ADGRA2: variants seen among roughly 807,000 people sequenced by gnomAD.
ADGRA2 encodes G-protein coupled receptor 124.
A neutral mutation model predicts 98.7 loss-of-function variants in ADGRA2; 61 were observed. The observed-to-expected ratio is 0.62, with a 90% CI of 0.50 to 0.76. The LOEUF (loss-of-function observed/expected upper bound fraction) is 0.76, where lower values mean the gene tolerates loss of function less well. Ranked by LOEUF, ADGRA2 falls within the 30% of genes least tolerant of loss-of-function variation. The probability of loss-of-function intolerance (pLI) is 0.00; values close to 1 mark genes in which losing one functional copy is unlikely to be tolerated. For synonymous variants in ADGRA2, 858 were observed against 831.5 expected (o/e 1.03, Z -0.55); for missense variants, 1,712 against 1,860.0 (o/e 0.92, Z 1.46).
chr8:37,839,227 C>A, intron 15 of ADGRA2, 144 bp downstream of exon 15: 3 of 1,280,204 alleles, frequency 2.3e-6, no homozygotes, highest in Non-Finnish European at 2.2e-6. Context: ...GTGTAGGAAA[C>A]CTCCCAGCAT....
intron 1 of ADGRA2, among the ~76,000 whole-genome samples, chr8:37,806,959 A>G (rs1804688796): frequency 6.6e-6 from 1 of 152,160 alleles, no homozygotes; most frequent in Non-Finnish European, 1.5e-5. Flanking sequence ...TAGAGAGGGT[A>G]GGTTAGAGAA....
rs1426615750 is a variant in ADGRA2 at position 37,834,913 on chromosome 8, T to C, written c.1609-261T>C. ...ATGGTAGCATGCCTGTAGTCCCAGA[T>C]ACTCAGGAGGCTGAGGTGGGAGGAT... On this transcript the variant is annotated intron_variant, in intron 11 of 18. Transcript: ENST00000412232. This position sits in a 1 kb window ranked among gnomAD's most constrained non-coding sequence, Gnocchi z 4.2. Among the ~76,000 whole-genome samples the C allele has an allele frequency of 1.3e-5, 2 of 151,956 alleles. No individual in the cohort carries two copies. Among genetic ancestry groups the C allele is most frequent in the Non-Finnish European group, 2.9e-5 (2 of 67,986 alleles).
In ADGRA2 at chr8:37,799,352, G is replaced by A. The variant is rs557992759; in HGVS notation, c.266+1818G>A. On this transcript the variant is annotated intron_variant, in intron 1 of 18. Coordinates refer to ENST00000412232, the MANE Select transcript of ADGRA2 (RefSeq NM_032777.10). Reference sequence around the variant, plus strand: ...ATCACGCCATTGCACTCCAGCCTGGGCGACAGAGCGAGACTCCGTATAAAA... The same window carrying A: ...ATCACGCCATTGCACTCCAGCCTGGACGACAGAGCGAGACTCCGTATAAAA... Among the ~76,000 whole-genome samples the A allele has an allele frequency of 1.6e-4, 25 of 151,578 alleles. No individual in the cohort carries two copies. The South Asian group carries it at 4.4e-3, about 27-fold the overall frequency.
At chr8:37,819,890 C>A (rs866989079) in intron 2 of ADGRA2, among the ~76,000 whole-genome samples, 1 of 151,902 alleles carries the variant, frequency 6.6e-6, no homozygotes, top group Non-Finnish European at 1.5e-5. Flanking sequence ...AGGCTGGTCT[C>A]GAACTCCTGA....
Position 37,814,507 on chromosome 8 carries a change from C to T in ADGRA2, c.267-389C>T, listed in dbSNP as rs756372634. Among the ~76,000 whole-genome samples the T allele has an allele frequency of 6.6e-6, 1 of 152,224 alleles. No individual in the cohort carries two copies. Among genetic ancestry groups the T allele is most frequent in the African/African-American group, 2.4e-5 (1 of 41,458 alleles). ...AAGCCATTCTCCCCACCACTCTCTT[C>T]GGGATATTGGGTGAAGGGCTTGAGC... is the stretch of plus-strand genomic sequence containing the variant. On this transcript the variant is annotated intron_variant, in intron 1 of 18. Transcript: ENST00000412232. The surrounding 1 kb of genome is among the most constrained non-coding windows in gnomAD (Gnocchi z 4.3).
In ADGRA2 at chr8:37,844,317, T is replaced by C; in HGVS notation, c.*1962T>C. The C allele has an allele frequency of 2.7e-6, 2 of 740,300 alleles. No individual in the cohort carries two copies. Among genetic ancestry groups the C allele is most frequent in the South Asian group, 3.7e-5 (2 of 53,382 alleles). The allele number at this position is 740,300 out of a possible 1,614,324, so 45.9% of individuals were successfully genotyped here. ...AATCTCTCCTACCTATAGTCATCCCTGCACTCCTGACTTTACTCCAGGACC... is the reference window on the plus strand; with the variant it reads ...AATCTCTCCTACCTATAGTCATCCCCGCACTCCTGACTTTACTCCAGGACC... On this transcript the variant is annotated 3_prime_UTR_variant, in exon 19 of 19. Transcript: ENST00000412232.
Position 37,834,665 on chromosome 8 carries a change from A to G in ADGRA2, c.1609-509A>G, listed in dbSNP as rs1217929862. ...TCCCAGCACGTTGGGAGGCCGATAC[A>G]GGAGGATCTCCCAAGGCCAGGAGTT... On this transcript the variant is annotated intron_variant, in intron 11 of 18. Coordinates refer to ENST00000412232, the MANE Select transcript of ADGRA2 (RefSeq NM_032777.10). The surrounding 1 kb of genome is among the most constrained non-coding windows in gnomAD (Gnocchi z 4.2). Among the ~76,000 whole-genome samples, 2 of 152,164 alleles carry G rather than the reference A, an allele frequency of 1.3e-5. No individual in the cohort carries two copies. The highest frequency in any genetic ancestry group is 4.8e-5 in the African/African-American group (2 of 41,438).
intron 1 of ADGRA2, among the ~76,000 whole-genome samples, chr8:37,812,355 C>T (rs949804973): frequency 2.0e-5 from 3 of 152,094 alleles, no homozygotes; most frequent in East Asian, 1.9e-4. Context: ...TGGCTGGGCG[C>T]GGTGGCTCAC....
chr8:37,842,460 GC>G lies in ADGRA2; in HGVS notation c.*107del. On this transcript the variant is annotated 3_prime_UTR_variant, in exon 19 of 19. Transcript: ENST00000412232. Reference sequence around the variant, plus strand: ...TAGTCAGCAGGTTGGAGGCAGAGGAGCCGATGGCTGGAGGAAGCCCACAGGC... The same window carrying G: ...TAGTCAGCAGGTTGGAGGCAGAGGAGCGATGGCTGGAGGAAGCCCACAGGC... 7.3e-7 allele frequency: 1 copy of G among 1,371,506 alleles called. No individual in the cohort carries two copies. The highest frequency in any genetic ancestry group is 9.4e-7 in the Non-Finnish European group (1 of 1,061,946). The allele number at this position is 1,371,506 out of a possible 1,614,324, so 85.0% of individuals were successfully genotyped here. A position where few individuals can be genotyped will look rare whatever the true frequency, so the allele number is the denominator to read the frequency against.
At chr8:37,804,100 G>GACACAC (rs60565183) in intron 1 of ADGRA2, among the ~76,000 whole-genome samples, 9,345 of 106,922 alleles carry the variant, frequency 0.087, 640 homozygotes, top group Non-Finnish European at 0.11. Context: ...CCCACGGTGA[G>GACACAC]ACACACACAC....
intron 8 of ADGRA2, 146 bp downstream of exon 8, chr8:37,831,733 G>C: frequency 1.4e-6 from 1 of 703,086 alleles, no homozygotes; most frequent in Non-Finnish European, 2.4e-6. Flanking sequence ...CATTCAGCCT[G>C]AAGCCTTGCT....
intron 2 of ADGRA2, among the ~76,000 whole-genome samples, chr8:37,820,928 TA>T (rs1455702640): frequency 7.5e-6 from 1 of 133,968 alleles, no homozygotes; most frequent in African/African-American, 2.9e-5. Flanking sequence ...AGGTTGGGGG[TA>T]GGGGTGGAGA....
Position 37,841,467 on chromosome 8 carries a change from C to T in ADGRA2, c.3129C>T (p.Arg1043=), listed in dbSNP as rs776355897. 1.9e-6 allele frequency: 3 copies of T among 1,612,852 alleles called. No individual in the cohort carries two copies. The African/African-American group carries it at 4.0e-5, about 22-fold the overall frequency. ...GCGGGGCTCTGGCAGTGTCCCAGCG[C>T]TGGCTGCCCCGGGTGGTGTGCAGCT... ...WACGALAVSQ[R]WLPRVVCSCL... Residue 1043 remains arginine (R), a synonymous_variant, in exon 19 of 19, where the codon CGC becomes CGT. Coordinates refer to ENST00000412232, the MANE Select transcript of ADGRA2 (RefSeq NM_032777.10). The surrounding 1 kb of genome is among the most constrained non-coding windows in gnomAD (Gnocchi z 5.0).
At position 37,841,262 on chromosome 8, in the gene ADGRA2, G is replaced by C. The variant is rs1466828232; in HGVS notation, c.2924G>C (p.Gly975Ala). Residue 975 changes from glycine to alanine, a missense_variant, in exon 19 of 19, where the codon GGT (glycine) becomes GCT (alanine). By Grantham distance (60) the Gly-to-Ala change is moderately conservative. Coordinates refer to ENST00000412232, the MANE Select transcript of ADGRA2 (RefSeq NM_032777.10). The surrounding 1 kb of genome is among the most constrained non-coding windows in gnomAD (Gnocchi z 5.0). ...CTGGAGGCAGGGGAGGAGCTGAGGG[G>C]TTCCACCAGGCTCAGGGGCAGCGGC... Reference protein sequence around the residue: ...ASLEAGEELRGSTRLRGSGPL... With the variant: ...ASLEAGEELRASTRLRGSGPL... 2 of 1,612,832 alleles carry C rather than the reference G, an allele frequency of 1.2e-6. No homozygotes were observed. The highest frequency in any genetic ancestry group is 1.6e-4 in the Middle Eastern group (1 of 6,084).
chr8:37,810,588 C>A (rs1174347193), intron 1 of ADGRA2, among the ~76,000 whole-genome samples: 1 of 152,112 alleles, frequency 6.6e-6, no homozygotes, highest in Admixed American at 6.5e-5. Flanking sequence ...GCCTCAAACT[C>A]CTGGGCTCAA....
At chr8:37,817,557 T>A (rs901037908) in intron 2 of ADGRA2, among the ~76,000 whole-genome samples, 11 of 151,928 alleles carry the variant, frequency 7.2e-5, no homozygotes, top group Non-Finnish European at 1.5e-4. Flanking sequence ...ATATTTTTTT[T>A]AATTAGCCAG....
In ADGRA2 at chr8:37,810,962, A is replaced by G. The variant is rs548701240; in HGVS notation, c.267-3934A>G. On this transcript the variant is annotated intron_variant, in intron 1 of 18. Coordinates refer to ENST00000412232, the MANE Select transcript of ADGRA2 (RefSeq NM_032777.10). ...AAACCCCGTCTCTACTAAAAAAAAA[A>G]TACAAAAAAATTAGGGTGGCGGGTG... Among the ~76,000 whole-genome samples the G allele has an allele frequency of 1.1e-4, 17 of 150,526 alleles. No individual in the cohort carries two copies. In the South Asian group the frequency reaches 3.6e-3, roughly 31 times the overall value.
In ADGRA2 at chr8:37,842,405, C is replaced by G. The variant is rs767644551; in HGVS notation, c.*50C>G. 2.1e-6 allele frequency: 3 copies of G among 1,420,166 alleles called. No homozygotes were observed. The highest frequency in any genetic ancestry group is 2.8e-6 in the Non-Finnish European group (3 of 1,088,156). The allele number at this position is 1,420,166 out of a possible 1,614,324, so 88.0% of individuals were successfully genotyped here. On this transcript the variant is annotated 3_prime_UTR_variant, in exon 19 of 19. Coordinates refer to ENST00000412232, the MANE Select transcript of ADGRA2 (RefSeq NM_032777.10). ...GGGCTGGCCACGCGGCTCGTTCCCC[C>G]GCTCCTCGGGGCCCTCCAAGGTGTC... is the stretch of plus-strand genomic sequence containing the variant.
chr8:37,815,032 G>C (rs1804937796), intron 2 of ADGRA2, 65 bp downstream of exon 2: 2 of 1,112,352 alleles, frequency 1.8e-6, no homozygotes, highest in African/African-American at 1.5e-5. Flanking sequence ...TCACCCCGGG[G>C]AGGAGGAGGA....
Sources: gnomAD v4.1 joint callset for allele counts (sites outside exome capture counted in the v4.1 genomes callset) on GRCh38, gnomAD v4.1.1 for gene constraint, Gnocchi (gnomAD v3.1) non-coding constraint, MANE v1.5 for transcripts, NCBI Gene and HGNC (gene_info 2026-07-23, HGNC 2026-07-21) for gene names.